SLC5A4: variants seen among roughly 807,000 people sequenced by gnomAD.
The protein encoded by SLC5A4 is solute carrier family 5 member 4.
In SLC5A4, 55 loss-of-function variants were observed where a neutral mutation model predicts 70.3. That is an observed-to-expected ratio of 0.78 (90% CI 0.63 to 0.98). The LOEUF is 0.98. SLC5A4 is among the 50% of genes least tolerant of loss of function. The pLI is 0.00. For missense variants in SLC5A4, 735 were observed against 839.2 expected (o/e 0.88, Z 1.53); for synonymous variants, 268 against 305.7 (o/e 0.88, Z 1.29).
chr22:32,263,044 A>G, the SLC5A4 span, among the ~76,000 whole-genome samples: 1 of 150,836 alleles, frequency 6.6e-6, no homozygotes, highest in Admixed American at 6.6e-5. Flanking sequence ...CTGGGATTAC[A>G]GGCATGAGCC....
At chr22:32,316,760 A>T in the SLC5A4 span, among the ~76,000 whole-genome samples, 1 of 151,750 alleles carries the variant, frequency 6.6e-6, no homozygotes, top group Non-Finnish European at 1.5e-5. Flanking sequence ...CTGGTCTCGA[A>T]CTCCTGACCA....
the SLC5A4 span, among the ~76,000 whole-genome samples, chr22:32,267,547 T>C: frequency 1.3e-5 from 2 of 152,236 alleles, no homozygotes; most frequent in South Asian, 2.1e-4. Flanking sequence ...GGCACGATCA[T>C]AGCTCACTGT....
At chr22:32,328,591 G>A in the SLC5A4 span, among the ~76,000 whole-genome samples, 17,307 of 151,772 alleles carry the variant, frequency 0.11, 1,343 homozygotes, top group Non-Finnish European at 0.17. Context: ...GCTGGGAAGT[G>A]TATCCTCCCC....
At chr22:32,350,293 G>A in the SLC5A4 span, among the ~76,000 whole-genome samples, 3 of 152,186 alleles carry the variant, frequency 2.0e-5, no homozygotes, top group Non-Finnish European at 4.4e-5. Context: ...GTGCCACGCA[G>A]TTTAAAAATT....
the SLC5A4 span, among the ~76,000 whole-genome samples, chr22:32,340,834 T>C: frequency 6.6e-6 from 1 of 152,090 alleles, no homozygotes; most frequent in South Asian, 2.1e-4. Flanking sequence ...AAGGAGACCA[T>C]CGGCACGTCT....
rs1257910449 is a variant in SLC5A4 at position 32,234,936 on chromosome 22, A to G, written c.822T>C (p.Ile274=). The part of the protein sequence containing the change: ...HIFRDAVTGD[I]PWPGIIFGMP... ...TTCCAAATATAATTCCTGGCCATGG[A>G]ATGTCCCCAGTCACAGCATCTCGGA... Residue 274 remains isoleucine, a synonymous_variant, in exon 8 of 15, where the codon ATT becomes ATC. Transcript: ENST00000266086. 1 of 1,613,812 alleles carries G rather than the reference A, an allele frequency of 6.2e-7. No homozygotes were observed. The highest frequency in any genetic ancestry group is 1.7e-5 in the Admixed American group (1 of 59,996).
At chr22:32,222,709 T>A (rs1925154769) in intron 13 of SLC5A4, among the ~76,000 whole-genome samples, 1 of 152,224 alleles carries the variant, frequency 6.6e-6, no homozygotes, top group Non-Finnish European at 1.5e-5. Flanking sequence ...TGAGCTGTGC[T>A]GTATTTCAGG....
At chr22:32,336,504 C>T in the SLC5A4 span, among the ~76,000 whole-genome samples, 1 of 152,242 alleles carries the variant, frequency 6.6e-6, no homozygotes, top group Admixed American at 6.5e-5. Flanking sequence ...GAGCCACCTC[C>T]CAGGAGGGGG....
At chr22:32,277,789 CT>C in the SLC5A4 span, among the ~76,000 whole-genome samples, 1 of 152,352 alleles carries the variant, frequency 6.6e-6, no homozygotes, top group Middle Eastern at 3.4e-3. Context: ...ACCTCATCAT[CT>C]GCCCGCCTCG....
At chr22:32,267,851 G>A in the SLC5A4 span, among the ~76,000 whole-genome samples, 1 of 152,218 alleles carries the variant, frequency 6.6e-6, no homozygotes, top group East Asian at 1.9e-4. Context: ...CTGGCTGGAC[G>A]TGGTGGCTCA....
At chr22:32,351,857 G>A in the SLC5A4 span, among the ~76,000 whole-genome samples, 1 of 151,342 alleles carries the variant, frequency 6.6e-6, no homozygotes, top group East Asian at 1.9e-4. Context: ...ACAAAGGGAG[G>A]AGGAGGAGAA....
the SLC5A4 span, among the ~76,000 whole-genome samples, chr22:32,274,152 G>C: frequency 1.3e-5 from 2 of 150,806 alleles, no homozygotes; most frequent in South Asian, 2.1e-4. Context: ...CCGTTCTCCC[G>C]CTTCAGCCTC....
At chr22:32,340,595 G>A in the SLC5A4 span, among the ~76,000 whole-genome samples, 1 of 152,168 alleles carries the variant, frequency 6.6e-6, no homozygotes, top group African/African-American at 2.4e-5. Context: ...TGTAAACCTT[G>A]GTCAGAGAAG....
chr22:32,334,145 C>A, the SLC5A4 span, among the ~76,000 whole-genome samples: 1 of 138,982 alleles, frequency 7.2e-6, no homozygotes, highest in African/African-American at 2.9e-5. Context: ...TGCCAGACAA[C>A]ACACACACCC....
At chr22:32,239,213 T>A in intron 5 of SLC5A4, 123 bp from the exon 6 acceptor site, 1 of 718,804 alleles carries the variant, frequency 1.4e-6, no homozygotes, top group Non-Finnish European at 2.4e-6. Flanking sequence ...CCTTCAAGAA[T>A]CCACTGAGAT....
In SLC5A4 at chr22:32,224,118, C is replaced by CTACTAAACCTTGGAG. The variant is rs1213588598; in HGVS notation, c.1665+148_1665+149insCTCCAAGGTTTAGTA. 4 of 619,906 alleles carry CTACTAAACCTTGGAG rather than the reference C, an allele frequency of 6.5e-6. No individual in the cohort carries two copies. In the East Asian group the frequency reaches 1.1e-4, roughly 17 times the overall value. The allele number at this position is 619,906 out of a possible 1,614,324, so 38.4% of individuals were successfully genotyped here. On this transcript the variant is annotated intron_variant, in intron 13 of 14. Coordinates refer to ENST00000266086, the MANE Select transcript of SLC5A4 (RefSeq NM_014227.3). ...TGTATTTTTAGTAGAGACAAGGTTTCACCGTGTTAACCAGGATGGTCTCCA... is the reference window on the plus strand; with the variant it reads ...TGTATTTTTAGTAGAGACAAGGTTTCTACTAAACCTTGGAGACCGTGTTAACCAGGATGGTCTCCA...
chr22:32,273,669 T>C, the SLC5A4 span, among the ~76,000 whole-genome samples: 2 of 152,234 alleles, frequency 1.3e-5, no homozygotes, highest in African/African-American at 2.4e-5. Flanking sequence ...ATTTGCTGAG[T>C]GAGTTATTTA....
At chr22:32,254,103 C>T in intron 2 of SLC5A4, 39 bp downstream of exon 2, 1 of 1,534,812 alleles carries the variant, frequency 6.5e-7, no homozygotes. Context: ...TAAGCACACA[C>T]ACAGGAAATT....
At chr22:32,341,298 T>C in the SLC5A4 span, among the ~76,000 whole-genome samples, 1 of 151,770 alleles carries the variant, frequency 6.6e-6, no homozygotes, top group Non-Finnish European at 1.5e-5. Flanking sequence ...GTCTCTAAGA[T>C]CAGGGAGATG....
Sources: gnomAD v4.1 joint callset for allele counts (sites outside exome capture counted in the v4.1 genomes callset) on GRCh38, gnomAD v4.1.1 for gene constraint, MANE v1.5 for transcripts, NCBI Gene and HGNC (gene_info 2026-07-23, HGNC 2026-07-21) for gene names.